The following IPPK variants were observed in gnomAD, a reference collection of about 807,000 sequenced individuals.
IPPK encodes the protein inositol-pentakisphosphate 2-kinase, also known as IPK1 homolog.
A neutral mutation model predicts 64.6 loss-of-function variants in IPPK; 22 were observed. The ratio of observed to expected loss-of-function variants is 0.34; its 90% CI spans 0.24 to 0.49. The LOEUF (loss-of-function observed/expected upper bound fraction) is 0.49. Ranked by LOEUF, IPPK falls within the 20% of genes least tolerant of loss-of-function variation. The probability of loss-of-function intolerance (pLI) is 0.99; values close to 1 mark genes in which losing one functional copy is unlikely to be tolerated. For synonymous variants in IPPK, 262 were observed against 247.2 expected (o/e 1.06, Z -0.56); for missense variants, 532 against 630.7 (o/e 0.84, Z 1.68).
chr9:92,623,764 G>A (rs1587619896), intron 11 of IPPK, among the ~76,000 whole-genome samples: 1 of 152,138 alleles, frequency 6.6e-6, no homozygotes, highest in Non-Finnish European at 1.5e-5. Context: ...ACTCCTAACC[G>A]GTTGCAGGGA....
intron 9 of IPPK, among the ~76,000 whole-genome samples, chr9:92,636,565 C>G (rs1158505470): frequency 4.6e-5 from 7 of 152,026 alleles, no homozygotes; most frequent in Non-Finnish European, 1.5e-5. Flanking sequence ...CACTTGAGCC[C>G]TGGAGGTGGA....
At chr9:92,653,966 G>A (rs779883356) in intron 3 of IPPK, among the ~76,000 whole-genome samples, 2 of 152,176 alleles carry the variant, frequency 1.3e-5, no homozygotes, top group East Asian at 1.9e-4. Flanking sequence ...TGGATGCCTC[G>A]CGTGTGAGAA....
chr9:92,616,146 G>T, intron 12 of IPPK, 89 bp from the exon 13 acceptor site: 1 of 879,496 alleles, frequency 1.1e-6, no homozygotes. Flanking sequence ...CTTTCAACTA[G>T]TATGTTTTTA....
At chr9:92,642,543 A>G (rs542187374) in intron 7 of IPPK, among the ~76,000 whole-genome samples, 9 of 152,372 alleles carry the variant, frequency 5.9e-5, no homozygotes, top group Non-Finnish European at 1.3e-4. Context: ...AAAGTGAGCA[A>G]GCACGTCAAA....
chr9:92,650,522 A>G (rs951040870), intron 4 of IPPK, among the ~76,000 whole-genome samples: 3 of 151,814 alleles, frequency 2.0e-5, no homozygotes, highest in Admixed American at 2.0e-4. Context: ...TGGTGGGCAC[A>G]CTCCATATGG....
At chr9:92,633,265 C>G (rs1057066917) in intron 11 of IPPK, among the ~76,000 whole-genome samples, 2 of 152,068 alleles carry the variant, frequency 1.3e-5, no homozygotes, top group Non-Finnish European at 2.9e-5. Flanking sequence ...CCCGCCTCAG[C>G]CTCCCAAAGT....
At chr9:92,664,545 C>T (rs1318314585) in intron 1 of IPPK, among the ~76,000 whole-genome samples, 2 of 152,200 alleles carry the variant, frequency 1.3e-5, no homozygotes, top group African/African-American at 4.8e-5. Context: ...GGAGGTCACA[C>T]ACCCACACAA....
intron 11 of IPPK, among the ~76,000 whole-genome samples, 177 bp downstream of exon 11, chr9:92,634,209 C>T (rs576534376): frequency 2.6e-5 from 4 of 152,366 alleles, no homozygotes; most frequent in Non-Finnish European, 4.4e-5. Flanking sequence ...AACCTCAATG[C>T]ACCACCACCT....
At chr9:92,628,310 G>C (rs1376137192) in intron 11 of IPPK, among the ~76,000 whole-genome samples, 1 of 152,194 alleles carries the variant, frequency 6.6e-6, no homozygotes, top group Admixed American at 6.5e-5. Context: ...CTTCTTTGTA[G>C]ACGAAGCTGA....
intron 1 of IPPK, among the ~76,000 whole-genome samples, chr9:92,669,123 C>A (rs940779064): frequency 1.8e-4 from 28 of 152,294 alleles, no homozygotes; most frequent in African/African-American, 6.5e-4. Context: ...GCCTTTAACA[C>A]CCATGCTCTA....
At chr9:92,637,138 T>C (rs1053216788) in intron 9 of IPPK, among the ~76,000 whole-genome samples, 1 of 152,060 alleles carries the variant, frequency 6.6e-6, no homozygotes, top group African/African-American at 2.4e-5. Flanking sequence ...CTGGCCAATA[T>C]GGCGAAACCC....
chr9:92,613,361 T>C lies in IPPK; in HGVS notation c.*2471A>G. 1 of 527,464 alleles carries C rather than the reference T, an allele frequency of 1.9e-6. No homozygotes were observed. The highest frequency in any genetic ancestry group is 3.4e-6 in the Non-Finnish European group (1 of 298,042). 32.7% of individuals were successfully genotyped at this position (527,464 alleles called of 1,614,324 possible). A position where few individuals can be genotyped will look rare whatever the true frequency, so the allele number is the denominator to read the frequency against. On this transcript the variant is annotated 3_prime_UTR_variant, in exon 13 of 13. Transcript: ENST00000287996. ...TGCCAAATAAAAGTGACACGTACAA[T>C]GTGGTTTATAAAAATAAGCTTAACA...
At chr9:92,650,415 G>A (rs1289802663) in intron 4 of IPPK, among the ~76,000 whole-genome samples, 1 of 152,166 alleles carries the variant, frequency 6.6e-6, no homozygotes, top group Non-Finnish European at 1.5e-5. Context: ...AAACTCTGGA[G>A]AGGCTGGAGA....
chr9:92,623,594 A>T (rs1851683308), intron 11 of IPPK, among the ~76,000 whole-genome samples: 1 of 152,228 alleles, frequency 6.6e-6, no homozygotes, highest in South Asian at 2.1e-4. Flanking sequence ...AATGAGCAAG[A>T]GACTTAAATT....
At chr9:92,642,686 T>C (rs370954250) in intron 7 of IPPK, 66 bp downstream of exon 7, 2 of 1,322,804 alleles carry the variant, frequency 1.5e-6, no homozygotes, top group South Asian at 1.2e-5. Context: ...CACCAGGCAC[T>C]GGCCCCCGCC....
chr9:92,619,434 T>C, intron 12 of IPPK, 52 bp downstream of exon 12: 1 of 1,387,592 alleles, frequency 7.2e-7, no homozygotes, highest in South Asian at 1.2e-5. Flanking sequence ...TCACCAACTG[T>C]CCATAAAACC....
chr9:92,647,237 C>A (rs895552179), intron 6 of IPPK, among the ~76,000 whole-genome samples: 5 of 152,180 alleles, frequency 3.3e-5, no homozygotes, highest in African/African-American at 1.2e-4. Context: ...AAGAGAATCT[C>A]AACAGATTGG....
intron 8 of IPPK, among the ~76,000 whole-genome samples, chr9:92,640,469 A>G (rs1357628178): frequency 6.6e-6 from 1 of 152,174 alleles, no homozygotes; most frequent in Non-Finnish European, 1.5e-5. Context: ...CAGGGTCATG[A>G]GCAACCCAGG....
Position 92,613,436 on chromosome 9 carries a change from A to T in IPPK, c.*2396T>A. 1 of 337,174 alleles carries T rather than the reference A, an allele frequency of 3.0e-6. No individual in the cohort carries two copies. The highest frequency in any genetic ancestry group is 2.8e-5 in the South Asian group (1 of 35,524). The allele number at this position is 337,174 out of a possible 1,614,324, so 20.9% of individuals were successfully genotyped here. A position where few individuals can be genotyped will look rare whatever the true frequency, so the allele number is the denominator to read the frequency against. On this transcript the variant is annotated 3_prime_UTR_variant, in exon 13 of 13. Coordinates refer to ENST00000287996, the MANE Select transcript of IPPK (RefSeq NM_022755.6). The stretch of plus-strand genomic sequence containing the variant: ...GTGTGTCCTCAGATGTGTGGGGAGG[A>T]TCCATCCCCCACCCACTGCAGCCTC...
Sources: gnomAD v4.1 joint callset for allele counts (sites outside exome capture counted in the v4.1 genomes callset) on GRCh38, gnomAD v4.1.1 for gene constraint, MANE v1.5 for transcripts, NCBI Gene and HGNC (gene_info 2026-07-23, HGNC 2026-07-21) for gene names.